The following KCNB2 variants were observed in gnomAD, a reference collection of about 807,000 sequenced individuals.
The protein encoded by KCNB2 is potassium voltage-gated channel subfamily B member 2, also known as delayed rectifier potassium channel protein.
In KCNB2, 15 loss-of-function variants were observed where a neutral mutation model predicts 61.5. The observed-to-expected ratio is 0.24, with a 90% CI of 0.16 to 0.38. The LOEUF (loss-of-function observed/expected upper bound fraction) is 0.38, where lower values mean the gene tolerates loss of function less well. Among genes scored for constraint, KCNB2 ranks in the 10% least tolerant of loss-of-function variants. The probability of loss-of-function intolerance (pLI) is 1.00; values close to 1 mark genes in which losing one functional copy is unlikely to be tolerated. For synonymous variants in KCNB2, 457 were observed against 446.0 expected (o/e 1.02, Z -0.31); for missense variants, 828 against 1,125.2 (o/e 0.74, Z 3.78).
chr8:72,808,730 C>T (rs893506936), intron 2 of KCNB2, among the ~76,000 whole-genome samples: 2 of 152,118 alleles, frequency 1.3e-5, no homozygotes, highest in African/African-American at 4.8e-5. Context: ...TGCCCCACCC[C>T]ACCCCCAAGC....
intron 1 of KCNB2, among the ~76,000 whole-genome samples, chr8:72,541,114 C>A (rs2128976398): frequency 1.3e-5 from 2 of 151,730 alleles, no homozygotes; most frequent in South Asian, 4.2e-4. Context: ...AAGACACATC[C>A]ATGAAGAGGA....
At chr8:72,797,711 C>T (rs544100462) in intron 2 of KCNB2, among the ~76,000 whole-genome samples, 4 of 152,272 alleles carry the variant, frequency 2.6e-5, no homozygotes, top group East Asian at 1.9e-4. Context: ...TTATCCACAT[C>T]GCTTACAGGG....
intron 2 of KCNB2, among the ~76,000 whole-genome samples, chr8:72,773,655 G>C (rs890942175): frequency 2.6e-5 from 4 of 152,166 alleles, no homozygotes; most frequent in African/African-American, 9.7e-5. Flanking sequence ...GTTTTTGGCT[G>C]TATTAAATTT....
chr8:72,884,703 C>A (rs1268665647), intron 2 of KCNB2, among the ~76,000 whole-genome samples: 1 of 151,974 alleles, frequency 6.6e-6, no homozygotes, highest in African/African-American at 2.4e-5. Flanking sequence ...GCAATAACAC[C>A]TCTATCCTAT....
intron 2 of KCNB2, chr8:72,661,523 C>A (rs1389915067): frequency 6.6e-6 from 1 of 152,206 alleles, no homozygotes; most frequent in Non-Finnish European, 1.5e-5. Flanking sequence ...GTCATTTAAA[C>A]TTGTCTCATA....
At chr8:72,854,070 C>T (rs1042504884) in intron 2 of KCNB2, among the ~76,000 whole-genome samples, 4 of 152,164 alleles carry the variant, frequency 2.6e-5, no homozygotes, top group Non-Finnish European at 5.9e-5. Context: ...TATTTTGCTT[C>T]AAATCCTATG....
chr8:72,569,411 A>G (rs1806677117), intron 2 of KCNB2, among the ~76,000 whole-genome samples: 1 of 152,210 alleles, frequency 6.6e-6, no homozygotes. Flanking sequence ...AATCTATAGC[A>G]CATAAATAAT....
At chr8:72,795,479 T>G (rs962442914) in intron 2 of KCNB2, among the ~76,000 whole-genome samples, 1 of 152,204 alleles carries the variant, frequency 6.6e-6, no homozygotes, top group Non-Finnish European at 1.5e-5. Context: ...AAGCTATTTT[T>G]TAAAGCAACC....
chr8:72,616,396 A>G (rs1805620082), intron 2 of KCNB2, among the ~76,000 whole-genome samples: 1 of 152,224 alleles, frequency 6.6e-6, no homozygotes, highest in Non-Finnish European at 1.5e-5. Flanking sequence ...AGTTAATCTT[A>G]CCAGGCTTTT....
At chr8:72,592,529 G>A (rs1033677774) in intron 2 of KCNB2, among the ~76,000 whole-genome samples, 2 of 151,616 alleles carry the variant, frequency 1.3e-5, no homozygotes, top group African/African-American at 4.8e-5. Flanking sequence ...GTTGTCTTTG[G>A]GGCTGCTCAC....
At chr8:72,930,162 G>GT (rs1332771180) in intron 2 of KCNB2, among the ~76,000 whole-genome samples, 1 of 151,896 alleles carries the variant, frequency 6.6e-6, no homozygotes, top group Non-Finnish European at 1.5e-5. Context: ...GTATTCCATG[G>GT]TGTATATGTG....
intron 2 of KCNB2, among the ~76,000 whole-genome samples, chr8:72,909,015 C>T (rs1341687734): frequency 6.6e-6 from 1 of 152,160 alleles, no homozygotes; most frequent in Non-Finnish European, 1.5e-5. Context: ...TGTAGTCAGA[C>T]AGTCAACAAT....
At chr8:72,924,486 C>G (rs1806595963) in intron 2 of KCNB2, among the ~76,000 whole-genome samples, 3 of 152,142 alleles carry the variant, frequency 2.0e-5, no homozygotes, top group African/African-American at 7.2e-5. Context: ...GGGGTGGGGC[C>G]TGAGATTCTG....
intron 1 of KCNB2, among the ~76,000 whole-genome samples, chr8:72,542,080 C>T (rs1200324414): frequency 1.3e-5 from 2 of 151,892 alleles, no homozygotes; most frequent in Admixed American, 6.6e-5. Flanking sequence ...TGCAGAGTTA[C>T]TATGATAACA....
intron 2 of KCNB2, among the ~76,000 whole-genome samples, chr8:72,591,629 T>A (rs1312477551): frequency 6.6e-6 from 1 of 152,140 alleles, no homozygotes; most frequent in Admixed American, 6.6e-5. Flanking sequence ...ATTTTCCTGT[T>A]CACTAGACTT....
At chr8:72,725,591 G>GTATGTGTATATA (rs1807631795) in intron 2 of KCNB2, among the ~76,000 whole-genome samples, 6 of 51,950 alleles carry the variant, frequency 1.2e-4, no homozygotes, top group African/African-American at 3.9e-4. Context: ...ATATATGTAT[G>GTATGTGTATATA]TATATATATA....
At position 72,756,060 on chromosome 8, in the gene KCNB2, C is replaced by T. The variant is rs180952110; in HGVS notation, c.580-179875C>T. ...TGGATCTTCTCACAAGTGGATCAGTCGAGAAGTGGTCTGTATAAGCCTCAT... is the reference window on the plus strand; with the variant it reads ...TGGATCTTCTCACAAGTGGATCAGTTGAGAAGTGGTCTGTATAAGCCTCAT... On this transcript the variant is annotated intron_variant, in intron 2 of 2. Transcript: ENST00000523207. Among the ~76,000 whole-genome samples, 68 of 152,222 alleles carry T rather than the reference C, an allele frequency of 4.5e-4. 1 individual carries two copies. The highest frequency in any genetic ancestry group is 8.5e-4 in the Non-Finnish European group (58 of 68,014).
chr8:72,701,250 AAAG>A (rs1455336322), intron 2 of KCNB2, among the ~76,000 whole-genome samples: 1 of 152,210 alleles, frequency 6.6e-6, no homozygotes, highest in Non-Finnish European at 1.5e-5. Flanking sequence ...TTTTTAAAAA[AAAG>A]AGAGAAAATG....
At chr8:72,863,348 A>G (rs1457722848) in intron 2 of KCNB2, among the ~76,000 whole-genome samples, 1 of 152,214 alleles carries the variant, frequency 6.6e-6, no homozygotes, top group Non-Finnish European at 1.5e-5. Flanking sequence ...AAGCCAACAC[A>G]GCTTGAGCCT....
Sources: allele counts gnomAD v4.1 joint callset (sites outside exome capture counted in the v4.1 genomes callset), GRCh38; gene constraint gnomAD v4.1.1; transcripts MANE v1.5; gene names NCBI Gene and HGNC (gene_info 2026-07-23, HGNC 2026-07-21).